Variants in RHEB observed in about 807,000 individuals in gnomAD.
The protein encoded by RHEB is GTP-binding protein Rheb.
A neutral mutation model predicts 28.8 loss-of-function variants in RHEB; 2 were observed. The ratio of observed to expected loss-of-function variants is 0.07; its 90% CI spans 0.03 to 0.22. The LOEUF (loss-of-function observed/expected upper bound fraction) is 0.22. Ranked by LOEUF, RHEB falls within the 10% of genes least tolerant of loss-of-function variation. The pLI is 1.00. For missense variants in RHEB, 76 were observed against 219.9 expected (o/e 0.35, Z 4.14); for synonymous variants, 69 against 77.3 (o/e 0.89, Z 0.56).
chr7:151,479,345 G>A (rs533145850), intron 3 of RHEB, among the ~76,000 whole-genome samples: 4 of 152,110 alleles, frequency 2.6e-5, no homozygotes, highest in Non-Finnish European at 5.9e-5. Context: ...TGAAAACGAT[G>A]CGTATGATAG....
intron 4 of RHEB, among the ~76,000 whole-genome samples, chr7:151,476,543 C>T (rs1033227290): frequency 2.0e-5 from 3 of 152,086 alleles, no homozygotes; most frequent in Non-Finnish European, 4.4e-5. Context: ...TTTCTTTCCA[C>T]GTAAAGTGGG....
At chr7:151,467,232 A>T (rs748013851) in intron 7 of RHEB, 21 bp from the exon 8 acceptor site, 1 of 1,560,510 alleles carries the variant, frequency 6.4e-7, no homozygotes, top group South Asian at 1.1e-5. Flanking sequence ...AAAGAAACCC[A>T]ATCACAGTGT....
intron 1 of RHEB, among the ~76,000 whole-genome samples, chr7:151,516,097 G>A (rs1416169483): frequency 6.6e-6 from 1 of 152,142 alleles, no homozygotes; most frequent in South Asian, 2.1e-4. Context: ...AGAAATAACG[G>A]AATGTCAGGG....
At chr7:151,518,984 G>A (rs1803131533) in intron 1 of RHEB, 1 of 152,248 alleles carries the variant, frequency 6.6e-6, no homozygotes, top group South Asian at 2.1e-4. Flanking sequence ...GAATGAAGCC[G>A]AGGCGCTGCT....
intron 1 of RHEB, among the ~76,000 whole-genome samples, chr7:151,506,766 G>A (rs1802888193): frequency 6.6e-6 from 1 of 152,140 alleles, no homozygotes; most frequent in South Asian, 2.1e-4. Flanking sequence ...CTGAGTGACT[G>A]ACACCACCCA....
At chr7:151,474,895 A>G (rs968351601) in intron 4 of RHEB, among the ~76,000 whole-genome samples, 1 of 152,244 alleles carries the variant, frequency 6.6e-6, no homozygotes, top group Non-Finnish European at 1.5e-5. Flanking sequence ...ATATTCATAA[A>G]TATTTGTGTA....
Position 151,467,034 on chromosome 7 carries a change from A to C in RHEB, c.*85T>G. The C allele has an allele frequency of 4.2e-6, 4 of 952,674 alleles. No individual in the cohort carries two copies. Among genetic ancestry groups the C allele is most frequent in the East Asian group, 2.5e-5 (1 of 40,732 alleles). The allele number at this position is 952,674 out of a possible 1,614,324, so 59.0% of individuals were successfully genotyped here. A position where few individuals can be genotyped will look rare whatever the true frequency, so the allele number is the denominator to read the frequency against. ...CTTTCAGGTTAACAGAAGAAAAAAG[A>C]AGCATAGTTTATCTTCAAGGAGAAC... On this transcript the variant is annotated 3_prime_UTR_variant, in exon 8 of 8. Coordinates refer to ENST00000262187, the MANE Select transcript of RHEB (RefSeq NM_005614.4).
intron 3 of RHEB, among the ~76,000 whole-genome samples, chr7:151,482,729 T>C (rs779795889): frequency 2.0e-5 from 3 of 152,182 alleles, no homozygotes; most frequent in Non-Finnish European, 2.9e-5. Context: ...TGTCCCAACA[T>C]AATTATTATT....
chr7:151,515,583 A>G (rs2150940673), intron 1 of RHEB, among the ~76,000 whole-genome samples: 1 of 152,372 alleles, frequency 6.6e-6, no homozygotes, highest in South Asian at 2.1e-4. Flanking sequence ...ACAACATCAG[A>G]ATATTAAGCA....
intron 3 of RHEB, among the ~76,000 whole-genome samples, chr7:151,480,168 T>C (rs573164773): frequency 6.6e-6 from 1 of 152,280 alleles, no homozygotes; most frequent in Admixed American, 6.5e-5. Context: ...CCAGGAAGTT[T>C]TCCTATGTGC....
At chr7:151,517,126 G>A (rs752014930) in intron 1 of RHEB, among the ~76,000 whole-genome samples, 13 of 152,290 alleles carry the variant, frequency 8.5e-5, no homozygotes, top group East Asian at 7.7e-4. Flanking sequence ...CACTTTGGGA[G>A]GCCAAGGTGG....
intron 1 of RHEB, among the ~76,000 whole-genome samples, chr7:151,501,191 G>C (rs1364861172): frequency 6.6e-6 from 1 of 152,124 alleles, no homozygotes; most frequent in African/African-American, 2.4e-5. Context: ...GAAAAGACAG[G>C]CCACAGACTG....
intron 4 of RHEB, among the ~76,000 whole-genome samples, chr7:151,475,087 T>TAC (rs1160910571): frequency 6.6e-6 from 1 of 152,246 alleles, no homozygotes; most frequent in Non-Finnish European, 1.5e-5. Context: ...GAAGACACAG[T>TAC]ACCAAGCTTT....
intron 1 of RHEB, among the ~76,000 whole-genome samples, chr7:151,494,585 G>A (rs1287610390): frequency 6.6e-6 from 1 of 152,188 alleles, no homozygotes; most frequent in Non-Finnish European, 1.5e-5. Context: ...TCACATCGCA[G>A]GTTGACAGCC....
intron 1 of RHEB, among the ~76,000 whole-genome samples, chr7:151,509,057 T>A (rs1802938819): frequency 6.6e-6 from 1 of 152,194 alleles, no homozygotes; most frequent in Non-Finnish European, 1.5e-5. Context: ...TGAAAAGATC[T>A]AGAGAAAGAG....
chr7:151,501,105 A>C (rs535689850), intron 1 of RHEB, among the ~76,000 whole-genome samples: 21 of 152,362 alleles, frequency 1.4e-4, no homozygotes, highest in Non-Finnish European at 2.4e-4. Flanking sequence ...TCCAAAGTAC[A>C]ATCCATAAAA....
rs76957874 is a variant in RHEB at position 151,497,134 on chromosome 7, T to C, written c.53-6120A>G. Among the ~76,000 whole-genome samples, 494 of 152,178 alleles carry C rather than the reference T, an allele frequency of 3.2e-3. 2 individuals carry two copies. The highest frequency in any genetic ancestry group is 0.011 in the African/African-American group (468 of 41,498). On this transcript the variant is annotated intron_variant, in intron 1 of 7. Coordinates refer to ENST00000262187, the MANE Select transcript of RHEB (RefSeq NM_005614.4). Reference sequence around the variant, plus strand: ...CTAATCAACTGCCTTTGTGAGCCTATTGAGCTCAGCTACAGAAAATTCCAC... The same window carrying C: ...CTAATCAACTGCCTTTGTGAGCCTACTGAGCTCAGCTACAGAAAATTCCAC...
At chr7:151,511,898 G>A (rs1485524392) in intron 1 of RHEB, among the ~76,000 whole-genome samples, 3 of 152,094 alleles carry the variant, frequency 2.0e-5, no homozygotes, top group Non-Finnish European at 4.4e-5. Flanking sequence ...TGATCCACTC[G>A]CCTTGGCCTC....
At chr7:151,510,681 C>T (rs1802964924) in intron 1 of RHEB, among the ~76,000 whole-genome samples, 1 of 152,200 alleles carries the variant, frequency 6.6e-6, no homozygotes, top group African/African-American at 2.4e-5. Flanking sequence ...TAACACATAA[C>T]ACTCACAAAC....
Sources: gnomAD v4.1 joint callset for allele counts (sites outside exome capture counted in the v4.1 genomes callset) on GRCh38, gnomAD v4.1.1 for gene constraint, MANE v1.5 for transcripts, NCBI Gene and HGNC (gene_info 2026-07-23, HGNC 2026-07-21) for gene names.